The following FANCI variants were observed in gnomAD, a reference collection of about 807,000 sequenced individuals.
The protein encoded by FANCI is FA complementation group I, also known as Fanconi anemia group I protein.
In FANCI, 156 loss-of-function variants were observed where a neutral mutation model predicts 176.1. That is an observed-to-expected ratio of 0.89 (90% CI 0.78 to 1.01). FANCI has a LOEUF of 1.01. Ranked by LOEUF, FANCI falls within the 50% of genes least tolerant of loss-of-function variation. The pLI, the probability that FANCI is intolerant of heterozygous loss-of-function variation, is 0.00. For missense variants in FANCI, 1,678 were observed against 1,534.1 expected, an observed-to-expected ratio of 1.09 and a Z score of -1.57; for synonymous variants, 613 against 541.7, an observed-to-expected ratio of 1.13 and a Z score of -1.83.
rs968560728 is a variant in FANCI at position 89,292,684 on chromosome 15, A to G, written c.1993-4A>G. On this transcript the variant is annotated splice_region_variant and splice_polypyrimidine_tract_variant and intron_variant, in intron 20 of 37. Transcript: ENST00000310775. ...GTATTTAATTTACTTATTTTCTCCT[A>G]CAGGATTATCTGCTGTGTTGTATTC... The G allele has an allele frequency of 4.3e-6, 7 of 1,613,054 alleles. No individual in the cohort carries two copies. The highest frequency in any genetic ancestry group is 1.7e-4 in the Middle Eastern group (1 of 6,058).
chr15:89,298,134 A>T (rs1052949981), intron 24 of FANCI, among the ~76,000 whole-genome samples: 1 of 152,188 alleles, frequency 6.6e-6, no homozygotes, highest in Non-Finnish European at 1.5e-5. Flanking sequence ...GAGGTAGAAG[A>T]AGTGAACAAC....
intron 9 of FANCI, among the ~76,000 whole-genome samples, chr15:89,265,974 T>C (rs558096901): frequency 2.6e-4 from 39 of 151,852 alleles, no homozygotes; most frequent in Admixed American, 2.4e-3. Context: ...GCTTGAGCAA[T>C]TTATTAGAGG....
intron 3 of FANCI, among the ~76,000 whole-genome samples, chr15:89,259,966 A>T (rs1596239095): frequency 6.6e-6 from 1 of 152,122 alleles, no homozygotes; most frequent in East Asian, 1.9e-4. Context: ...TTTTGTGCGG[A>T]CATGTTTTCC....
chr15:89,248,787 G>A (rs539726399), intron 2 of FANCI, among the ~76,000 whole-genome samples: 2 of 151,584 alleles, frequency 1.3e-5, no homozygotes, highest in South Asian at 4.2e-4. Flanking sequence ...CAGCTTTTTG[G>A]CAGCAACATT....
At chr15:89,259,613 T>C (rs1374398966) in intron 3 of FANCI, among the ~76,000 whole-genome samples, 1 of 152,202 alleles carries the variant, frequency 6.6e-6, no homozygotes, top group Admixed American at 6.5e-5. Flanking sequence ...TCCTTACCCC[T>C]GAAAGAAGGT....
chr15:89,268,703 C>T, intron 10 of FANCI, 178 bp downstream of exon 10: 1 of 673,324 alleles, frequency 1.5e-6, no homozygotes. Flanking sequence ...ACCACACTCC[C>T]TTTTTTTTAA....
chr15:89,294,960 C>T lies in FANCI; in HGVS notation c.2502C>T (p.Ser834=). The T allele has an allele frequency of 1.3e-6, 2 of 1,552,200 alleles. No homozygotes were observed. Among genetic ancestry groups the T allele is most frequent in the Non-Finnish European group, 1.7e-6 (2 of 1,147,114 alleles). Residue 834 remains serine, a synonymous_variant, in exon 24 of 38, where the codon TCC becomes TCT. Transcript: ENST00000310775. ...SHQESLSVLR[S]SNEFMRYAVN... is the part of the protein sequence containing the mutation. ...AAGAAAGCCTTTCTGTTCTCAGGTC[C>T]AGCAATGAGTTTATGCGCTATGCAG...
intron 16 of FANCI, chr15:89,282,594 T>C (rs2053656468): frequency 5.5e-6 from 1 of 180,620 alleles, no homozygotes. Flanking sequence ...TTATCTTTGT[T>C]CTAGAATTAA....
Position 89,263,881 on chromosome 15 carries a change from C to T in FANCI, c.546-22C>T. 2.5e-6 allele frequency: 4 copies of T among 1,613,996 alleles called. No homozygotes were observed. The South Asian group carries it at 3.3e-5, about 13-fold the overall frequency. On this transcript the variant is annotated intron_variant, in intron 7 of 37. Coordinates refer to ENST00000310775, the MANE Select transcript of FANCI (RefSeq NM_001113378.2). ...AAGGCAGTTAGACACTGTCTATAGC[C>T]TTTAGAATCTTTGATCCACAGGGAT...
chr15:89,309,862 CT>C (rs1195317218), intron 34 of FANCI, among the ~76,000 whole-genome samples: 10 of 152,176 alleles, frequency 6.6e-5, no homozygotes, highest in African/African-American at 2.2e-4. Context: ...GGAAATACTG[CT>C]GTTAAATGCT....
intron 35 of FANCI, among the ~76,000 whole-genome samples, chr15:89,313,196 T>C (rs1256530351): frequency 1.3e-5 from 2 of 151,802 alleles, no homozygotes; most frequent in African/African-American, 2.4e-5. Context: ...ATGGAATTTC[T>C]TTTGGGGGTG....
At chr15:89,309,915 TAATTTTA>T (rs2054889331) in intron 34 of FANCI, among the ~76,000 whole-genome samples, 1 of 152,254 alleles carries the variant, frequency 6.6e-6, no homozygotes, top group Non-Finnish European at 1.5e-5. Context: ...CATTGTCTAA[TAATTTTA>T]TTAGAACAGG....
intron 1 of FANCI, chr15:89,245,816 A>T (rs2051941258): frequency 6.6e-6 from 1 of 152,272 alleles, no homozygotes; most frequent in Non-Finnish European, 1.5e-5. Context: ...GATGGCATGG[A>T]GGGAAGATAA....
chr15:89,281,868 G>T (rs1170271581), intron 16 of FANCI, 33 bp downstream of exon 16: 1 of 1,581,308 alleles, frequency 6.3e-7, no homozygotes, highest in Admixed American at 1.7e-5. Flanking sequence ...ATAGGAAGAC[G>T]TTGTCTTCTA....
intron 14 of FANCI, 90 bp from the exon 15 acceptor site, chr15:89,281,078 CAA>C (rs1384054615): frequency 5.2e-6 from 7 of 1,353,456 alleles, no homozygotes; most frequent in Non-Finnish European, 7.3e-6. Context: ...AGAAAGGAAA[CAA>C]AAGACTTCAC....
intron 2 of FANCI, among the ~76,000 whole-genome samples, chr15:89,248,654 A>G (rs980456619): frequency 2.6e-5 from 4 of 152,178 alleles, no homozygotes; most frequent in African/African-American, 7.2e-5. Context: ...TTATTTATTT[A>G]AAGTTTCATG....
chr15:89,250,902 A>G (rs916103656), intron 2 of FANCI, among the ~76,000 whole-genome samples: 2 of 151,676 alleles, frequency 1.3e-5, no homozygotes, highest in Non-Finnish European at 2.9e-5. Flanking sequence ...AAATAAATAA[A>G]TTCCCAACTC....
In FANCI at chr15:89,264,577, A is replaced by C. The variant is rs779306830; in HGVS notation, c.725A>C (p.Lys242Thr). Residue 242 changes from lysine (K) to threonine (T), a missense_variant, in exon 9 of 38, where the codon AAG (lysine) becomes ACG (threonine). Physicochemically the swap from Lys to Thr is moderately conservative, Grantham distance 78. Around this residue, in one of 3 missense-constraint regions of FANCI, gnomAD observed 469 missense variants for 436.9 expected, o/e 1.07. Coordinates refer to ENST00000310775, the MANE Select transcript of FANCI (RefSeq NM_001113378.2). ...ATAGCCTTCTTCAGTGCACTAGATAAGCAGCACAATGAGGAACAGAGTGGT... is the reference window on the plus strand; with the variant it reads ...ATAGCCTTCTTCAGTGCACTAGATACGCAGCACAATGAGGAACAGAGTGGT... ...GIIAFFSALD[K>T]QHNEEQSGDE... The C allele has an allele frequency of 1.2e-6, 2 of 1,613,894 alleles. No homozygotes were observed. The highest frequency in any genetic ancestry group is 2.7e-5 in the African/African-American group (2 of 75,054).
intron 18 of FANCI, among the ~76,000 whole-genome samples, chr15:89,288,620 CTTT>C (rs35459053): frequency 1.4e-5 from 2 of 141,042 alleles, no homozygotes; most frequent in African/African-American, 2.6e-5. Context: ...TCTTCTATTA[CTTT>C]TTTTTTTTTT....
Sources: allele counts gnomAD v4.1 joint callset (sites outside exome capture counted in the v4.1 genomes callset), GRCh38; gene constraint gnomAD v4.1.1; regional missense constraint gnomAD v4.1.1; transcripts MANE v1.5; gene names NCBI Gene and HGNC (gene_info 2026-07-23, HGNC 2026-07-21).